ADK: variants seen among roughly 807,000 people sequenced by gnomAD.
ADK encodes adenosine kinase.
Under a neutral mutation model 44.7 loss-of-function variants are expected in ADK, and 24 were observed. The observed-to-expected ratio is 0.54, with a 90% CI of 0.39 to 0.76. The LOEUF (loss-of-function observed/expected upper bound fraction) is 0.76. Among genes scored for constraint, ADK ranks in the 30% least tolerant of loss-of-function variants. The probability of loss-of-function intolerance (pLI) is 0.00; values close to 1 mark genes in which losing one functional copy is unlikely to be tolerated. For missense variants in ADK, 321 were observed against 425.1 expected (o/e 0.76, Z 2.15); for synonymous variants, 128 against 142.6 (o/e 0.90, Z 0.73).
At chr10:74,611,885 C>T (rs1340639831) in intron 9 of ADK, among the ~76,000 whole-genome samples, 2 of 152,120 alleles carry the variant, frequency 1.3e-5, no homozygotes, top group African/African-American at 4.8e-5. Flanking sequence ...TTGATGGACA[C>T]TTAGGTTGAT....
chr10:74,539,666 C>T (rs1849562049), intron 7 of ADK, among the ~76,000 whole-genome samples: 1 of 151,866 alleles, frequency 6.6e-6, no homozygotes. Flanking sequence ...GGGAAAGAAA[C>T]TTTATCGGAG....
At chr10:74,326,636 G>C (rs187219410) in intron 4 of ADK, among the ~76,000 whole-genome samples, 2 of 151,858 alleles carry the variant, frequency 1.3e-5, no homozygotes, top group East Asian at 1.9e-4. Flanking sequence ...CAAAAATTTT[G>C]GTAAAATACA....
intron 4 of ADK, among the ~76,000 whole-genome samples, chr10:74,368,096 G>T (rs74652057): frequency 0.012 from 1,901 of 152,254 alleles, 22 homozygotes; most frequent in Non-Finnish European, 0.021. Flanking sequence ...GTTTGGAGAG[G>T]TTTTCAGGAA....
At chr10:74,178,660 TAA>T (rs1244232862) in intron 1 of ADK, among the ~76,000 whole-genome samples, 1 of 152,240 alleles carries the variant, frequency 6.6e-6, no homozygotes, top group African/African-American at 2.4e-5. Flanking sequence ...TAGTTTTTTT[TAA>T]AAGACTGATG....
intron 6 of ADK, among the ~76,000 whole-genome samples, chr10:74,424,627 T>G (rs996605468): frequency 1.3e-5 from 2 of 151,758 alleles, no homozygotes; most frequent in African/African-American, 2.4e-5. Context: ...ATTATTATTA[T>G]TCACATGCTT....
intron 3 of ADK, among the ~76,000 whole-genome samples, chr10:74,284,142 TAGA>T (rs1320573626): frequency 6.6e-6 from 1 of 150,544 alleles, no homozygotes; most frequent in Non-Finnish European, 1.5e-5. Context: ...GTATTTTTAG[TAGA>T]GACAGGGTTT....
chr10:74,359,856 C>G (rs1159488853), intron 4 of ADK, among the ~76,000 whole-genome samples: 1 of 151,924 alleles, frequency 6.6e-6, no homozygotes, highest in Non-Finnish European at 1.5e-5. Flanking sequence ...GATCTTTCAT[C>G]TGCTTGGTTA....
intron 6 of ADK, among the ~76,000 whole-genome samples, chr10:74,519,990 C>G (rs939372094): frequency 4.0e-5 from 6 of 151,820 alleles, no homozygotes; most frequent in African/African-American, 1.4e-4. Flanking sequence ...TTGATATTTA[C>G]TTCTCTTTTA....
At chr10:74,235,143 T>G (rs1413850240) in intron 3 of ADK, among the ~76,000 whole-genome samples, 2 of 150,962 alleles carry the variant, frequency 1.3e-5, no homozygotes, top group African/African-American at 4.9e-5. Context: ...TTTTTTTTTT[T>G]TCTGAAACTT....
At chr10:74,286,705 A>G (rs1847174899) in intron 3 of ADK, among the ~76,000 whole-genome samples, 1 of 152,226 alleles carries the variant, frequency 6.6e-6, no homozygotes, top group South Asian at 2.1e-4. Flanking sequence ...CCAGGGCAGG[A>G]GTATGGTTCT....
intron 2 of ADK, among the ~76,000 whole-genome samples, chr10:74,222,051 A>C (rs1397363482): frequency 6.6e-6 from 1 of 152,228 alleles, no homozygotes; most frequent in East Asian, 1.9e-4. Flanking sequence ...CAGCAAAAGA[A>C]ACTACCATCA....
At chr10:74,453,326 G>C (rs914131918) in intron 6 of ADK, among the ~76,000 whole-genome samples, 1 of 151,994 alleles carries the variant, frequency 6.6e-6, no homozygotes, top group Non-Finnish European at 1.5e-5. Context: ...ACCTCAGCTT[G>C]GACTGATCAA....
intron 10 of ADK, among the ~76,000 whole-genome samples, chr10:74,693,315 C>A (rs934538530): frequency 6.6e-6 from 1 of 152,098 alleles, no homozygotes; most frequent in Non-Finnish European, 1.5e-5. Flanking sequence ...CCTAAAACTG[C>A]CCAAAAATAT....
chr10:74,642,201 T>G (rs745516189), intron 9 of ADK, among the ~76,000 whole-genome samples: 1 of 152,176 alleles, frequency 6.6e-6, no homozygotes, highest in Non-Finnish European at 1.5e-5. Context: ...GTTATTCTTA[T>G]GAAAATATGT....
intron 3 of ADK, among the ~76,000 whole-genome samples, chr10:74,311,254 A>G (rs1187327510): frequency 2.6e-5 from 4 of 152,332 alleles, no homozygotes; most frequent in East Asian, 1.9e-4. Context: ...GAAAATACCT[A>G]TCAATAGATG....
chr10:74,377,153 A>G (rs2131992405), intron 4 of ADK, among the ~76,000 whole-genome samples: 1 of 152,264 alleles, frequency 6.6e-6, no homozygotes, highest in South Asian at 2.1e-4. Context: ...ATCTGAGAAG[A>G]TTTTTAAAGC....
intron 9 of ADK, among the ~76,000 whole-genome samples, chr10:74,612,309 G>A (rs111690707): frequency 2.8e-4 from 42 of 152,130 alleles, no homozygotes; most frequent in African/African-American, 1.0e-3. Flanking sequence ...TATAGAGAAA[G>A]TGTCTTGCTA....
chr10:74,322,339 A>T (rs1339323384), intron 4 of ADK, among the ~76,000 whole-genome samples: 2 of 152,244 alleles, frequency 1.3e-5, no homozygotes, highest in Non-Finnish European at 2.9e-5. Context: ...GCAGATGGTG[A>T]TGCAACACCG....
intron 4 of ADK, among the ~76,000 whole-genome samples, chr10:74,326,542 T>G (rs1053683144): frequency 4.0e-5 from 6 of 151,786 alleles, no homozygotes; most frequent in African/African-American, 1.5e-4. Flanking sequence ...GCTTAGGAGG[T>G]GGAGGCTGCA....
Sources: allele counts gnomAD v4.1 joint callset (sites outside exome capture counted in the v4.1 genomes callset), GRCh38; gene constraint gnomAD v4.1.1; transcripts MANE v1.5; gene names NCBI Gene and HGNC (gene_info 2026-07-23, HGNC 2026-07-21).